Variants in CTNNA2 observed in about 807,000 individuals in gnomAD.
The protein encoded by CTNNA2 is catenin alpha 2, also known as catenin alpha-2.
CTNNA2 carries 42 observed loss-of-function variants against 101.0 expected under a neutral mutation model. That is an observed-to-expected ratio of 0.42 (90% CI 0.32 to 0.54). The LOEUF is 0.54. Among genes scored for constraint, CTNNA2 ranks in the 20% least tolerant of loss-of-function variants. The pLI is 0.14. For synonymous variants in CTNNA2, 450 were observed against 456.4 expected, an observed-to-expected ratio of 0.99 and a Z score of 0.18; for missense variants, 871 against 1,223.1, an observed-to-expected ratio of 0.71 and a Z score of 4.29.
chr2:80,463,532 C>A (rs900230617), intron 9 of CTNNA2, among the ~76,000 whole-genome samples: 2 of 151,992 alleles, frequency 1.3e-5, no homozygotes, highest in African/African-American at 4.8e-5. Context: ...GATGGATTTC[C>A]TTAGAATGTT....
chr2:80,440,064 A>G (rs1682420810), intron 9 of CTNNA2, among the ~76,000 whole-genome samples: 1 of 152,240 alleles, frequency 6.6e-6, no homozygotes, highest in Non-Finnish European at 1.5e-5. Context: ...GGAAAAGTAG[A>G]GCAGTAAGGG....
At chr2:80,309,220 T>C (rs1677306642) in intron 7 of CTNNA2, among the ~76,000 whole-genome samples, 1 of 152,186 alleles carries the variant, frequency 6.6e-6, no homozygotes, top group Non-Finnish European at 1.5e-5. Flanking sequence ...GGTGCTCTGA[T>C]TATGCCATGT....
intron 7 of CTNNA2, among the ~76,000 whole-genome samples, chr2:80,222,425 A>G (rs951686928): frequency 6.6e-6 from 1 of 152,220 alleles, no homozygotes; most frequent in Non-Finnish European, 1.5e-5. Context: ...TATATAATGC[A>G]AAGAGAAAGT....
Position 80,619,088 on chromosome 2 carries a change from G to T in CTNNA2, c.2434G>T (p.Gly812Ter). 1 of 1,494,526 alleles carries T rather than the reference G, an allele frequency of 6.7e-7. No homozygotes were observed. The highest frequency in any genetic ancestry group is 8.9e-7 in the Non-Finnish European group (1 of 1,118,054). 92.6% of individuals were successfully genotyped at this position (1,494,526 alleles called of 1,614,324 possible). The change falls in exon 18 of 19, where the codon GGA (glycine) becomes TGA (stop). Residue 812 changes from glycine to a stop codon, truncating the protein, a stop_gained. Coordinates refer to ENST00000402739, the MANE Select transcript of CTNNA2 (RefSeq NM_001282597.3). LOFTEE classifies it high-confidence loss of function. ...TTCTGTATCTCTCGGAAATCAGACAGGAGTTCAGAGCACTTTCACTACCTT... is the reference window on the plus strand; with the variant it reads ...TTCTGTATCTCTCGGAAATCAGACATGAGTTCAGAGCACTTTCACTACCTT... The part of the protein sequence containing the change: ...LGGELIVSGT[G>*]VQSTFTTFYE...
intron 7 of CTNNA2, among the ~76,000 whole-genome samples, chr2:79,984,265 T>G (rs1191078296): frequency 6.6e-6 from 1 of 152,120 alleles, no homozygotes; most frequent in Non-Finnish European, 1.5e-5. Flanking sequence ...TTCAGAAAAA[T>G]GCCTAAGAAA....
At chr2:80,576,739 G>A (rs377018617) in intron 13 of CTNNA2, among the ~76,000 whole-genome samples, 32 of 139,644 alleles carry the variant, frequency 2.3e-4, no homozygotes, top group African/African-American at 7.9e-4. Context: ...ACCTGAGGTC[G>A]GGAGTTTAAG....
Position 80,338,091 on chromosome 2 carries a change from A to G in CTNNA2, c.1057-55120A>G, listed in dbSNP as rs1392119828. On this transcript the variant is annotated intron_variant, in intron 7 of 18. Coordinates refer to ENST00000402739, the MANE Select transcript of CTNNA2 (RefSeq NM_001282597.3). ...GCAACCTCTGCCTCTTGGGTTCAAG[A>G]GATTCTCCTGCCTCAGCCTCCCGAG... Among the ~76,000 whole-genome samples the G allele has an allele frequency of 2.6e-5, 4 of 151,712 alleles. No individual in the cohort carries two copies. The East Asian group carries it at 7.8e-4, about 30-fold the overall frequency.
intron 1 of CTNNA2, among the ~76,000 whole-genome samples, chr2:79,623,846 T>C (rs925207497): frequency 6.6e-6 from 1 of 152,222 alleles, no homozygotes; most frequent in African/African-American, 2.4e-5. Context: ...ACCATATTTT[T>C]ACTTTGTTTC....
chr2:79,245,982 C>G (rs1027632607), intron 2 of CTNNA2, among the ~76,000 whole-genome samples: 14 of 152,180 alleles, frequency 9.2e-5, no homozygotes, highest in Admixed American at 3.3e-4. Flanking sequence ...TTCTGGTGTT[C>G]AGATTCGAAT....
rs192548474 is a variant in CTNNA2, at chr2:79,839,260, T to G, written c.299-18753T>G. 1.4e-4 allele frequency among the ~76,000 whole-genome samples: 21 copies of G among 152,178 alleles called. No homozygotes were observed. In the East Asian group the frequency reaches 4.0e-3, roughly 29 times the overall value. On this transcript the variant is annotated intron_variant, in intron 3 of 18. Coordinates refer to ENST00000402739, the MANE Select transcript of CTNNA2 (RefSeq NM_001282597.3). The stretch of plus-strand genomic sequence containing the variant: ...TATATTGTGCTACTGTCTCCTGGCT[T>G]CCATTTTCCATTTCAGAAGGATGCT...
intron 7 of CTNNA2, among the ~76,000 whole-genome samples, chr2:80,089,434 G>A (rs930018116): frequency 6.6e-6 from 1 of 151,800 alleles, no homozygotes. Context: ...TACAACCTGC[G>A]CTCCCTTTTG....
intron 8 of CTNNA2, among the ~76,000 whole-genome samples, chr2:80,400,607 C>T (rs1678466445): frequency 6.7e-6 from 1 of 150,008 alleles, no homozygotes; most frequent in Non-Finnish European, 1.5e-5. Context: ...TAAAACCAAA[C>T]CTTCACCCCA....
chr2:80,159,047 C>A lies in CTNNA2; in HGVS notation c.1057-234164C>A, dbSNP rs55952804. Reference sequence around the variant, plus strand: ...GTTGGACCATTCACCCATTGAAGGACATGTGGGTTGTTTCCAGGTTTGGGC... The same window carrying A: ...GTTGGACCATTCACCCATTGAAGGAAATGTGGGTTGTTTCCAGGTTTGGGC... On this transcript the variant is annotated intron_variant, in intron 7 of 18. Coordinates refer to ENST00000402739, the MANE Select transcript of CTNNA2 (RefSeq NM_001282597.3). Among the ~76,000 whole-genome samples the A allele has an allele frequency of 2.1e-3, 316 of 152,196 alleles. 1 individual carries two copies. The highest frequency in any genetic ancestry group is 7.2e-3 in the African/African-American group (297 of 41,524).
chr2:80,535,352 A>G (rs6756136), intron 9 of CTNNA2, among the ~76,000 whole-genome samples: 70,341 of 152,070 alleles, frequency 0.46, 16,545 homozygotes, highest in South Asian at 0.57. Flanking sequence ...TCATTCAAAT[A>G]TATTTTCACT....
At chr2:79,277,929 G>C (rs1178953733) in intron 2 of CTNNA2, among the ~76,000 whole-genome samples, 1 of 152,052 alleles carries the variant, frequency 6.6e-6, no homozygotes, top group African/African-American at 2.4e-5. Flanking sequence ...ATGTGAGTGA[G>C]GAACAACTAA....
chr2:79,313,163 A>G (rs574074801), intron 3 of CTNNA2, among the ~76,000 whole-genome samples: 25 of 152,152 alleles, frequency 1.6e-4, no homozygotes, highest in Non-Finnish European at 2.9e-4. Flanking sequence ...TTTGCATTTT[A>G]TAGTTGGAGT....
chr2:79,432,882 A>C (rs1678672513), intron 4 of CTNNA2, among the ~76,000 whole-genome samples: 1 of 152,226 alleles, frequency 6.6e-6, no homozygotes, highest in Non-Finnish European at 1.5e-5. Flanking sequence ...CTTTAACAGA[A>C]TATTATATTA....
chr2:80,525,624 T>C (rs1328719945), intron 9 of CTNNA2, among the ~76,000 whole-genome samples: 2 of 152,164 alleles, frequency 1.3e-5, no homozygotes, highest in Non-Finnish European at 2.9e-5. Flanking sequence ...ATGTTTGCTT[T>C]TGTTTTCTCT....
intron 2 of CTNNA2, among the ~76,000 whole-genome samples, chr2:79,732,517 A>G (rs1394416770): frequency 6.6e-6 from 1 of 152,124 alleles, no homozygotes; most frequent in Non-Finnish European, 1.5e-5. Context: ...ATGTCTCTGT[A>G]TGCATACAAA....
Sources: gnomAD v4.1 joint callset for allele counts (sites outside exome capture counted in the v4.1 genomes callset) on GRCh38, gnomAD v4.1.1 for gene constraint, MANE v1.5 for transcripts, NCBI Gene and HGNC (gene_info 2026-07-23, HGNC 2026-07-21) for gene names.